Variants in CD38 observed in about 807,000 individuals in gnomAD.
CD38 encodes CD38 molecule.
CD38 carries 31 observed loss-of-function variants against 36.3 expected under a neutral mutation model. That is an observed-to-expected ratio of 0.85 (90% CI 0.64 to 1.15). The LOEUF (loss-of-function observed/expected upper bound fraction) is 1.15, where lower values mean the gene tolerates loss of function less well. Among genes scored for constraint, CD38 ranks in the 50% most tolerant of loss-of-function variants. The pLI is 0.00. For missense variants in CD38, 380 were observed against 371.9 expected (o/e 1.02, Z -0.18); for synonymous variants, 131 against 135.2 (o/e 0.97, Z 0.22).
intron 3 of CD38, among the ~76,000 whole-genome samples, chr4:15,832,241 A>G (rs74647438): frequency 0.014 from 2,073 of 152,154 alleles, 21 homozygotes; most frequent in Middle Eastern, 0.048. Context: ...TGTCTCACAT[A>G]TCTCTGTTTC....
rs74629640 is a variant in CD38, at chr4:15,834,083, G to A, written c.500-134G>A. On this transcript the variant is annotated intron_variant, in intron 3 of 7. Transcript: ENST00000226279. ...ACTTAGTTAAATTGGGTCAAAATGT[G>A]TCCATTCTCCAGCCTCCGTCTTGGC... 3.8e-3 allele frequency: 2,341 copies of A among 619,900 alleles called. 42 individuals carry two copies. The African/African-American group carries it at 0.039, about 10-fold the overall frequency. 38.4% of individuals were successfully genotyped at this position (619,900 alleles called of 1,614,324 possible).
chr4:15,784,364 G>A (rs1216149399), intron 1 of CD38, among the ~76,000 whole-genome samples: 3 of 152,208 alleles, frequency 2.0e-5, no homozygotes, highest in African/African-American at 7.2e-5. Flanking sequence ...AGGGTGCTCT[G>A]GAGAGTGTGT....
rs547305217 is a variant in CD38, at chr4:15,810,617, C to CT, written c.234-5886dup. The stretch of plus-strand genomic sequence containing the variant: ...ACATTGAAGTACATAATGTAATAAG[C>CT]TTTTTTTTCCTTAAATATATAATGT... On this transcript the variant is annotated intron_variant, in intron 1 of 7. Transcript: ENST00000226279. Among the ~76,000 whole-genome samples the CT allele has an allele frequency of 4.1e-4, 62 of 152,136 alleles. No homozygotes were observed. In the South Asian group the frequency reaches 0.011, roughly 27 times the overall value.
At chr4:15,781,478 C>CGGGCAAGCCCCAAATCTGCT (rs1722695595) in intron 1 of CD38, among the ~76,000 whole-genome samples, 1 of 152,212 alleles carries the variant, frequency 6.6e-6, no homozygotes, top group Non-Finnish European at 1.5e-5. Flanking sequence ...ATTGTGAAGT[C>CGGGCAAGCCCCAAATCTGCT]GGGCAAGCCC....
chr4:15,804,389 G>C (rs1385734440), intron 1 of CD38, among the ~76,000 whole-genome samples: 1 of 152,104 alleles, frequency 6.6e-6, no homozygotes, highest in Non-Finnish European at 1.5e-5. Flanking sequence ...GCTAAAAATA[G>C]AACTACCATA....
chr4:15,787,905 G>A (rs1026485930), intron 1 of CD38, among the ~76,000 whole-genome samples: 2 of 152,182 alleles, frequency 1.3e-5, no homozygotes, highest in African/African-American at 4.8e-5. Context: ...GAGCAGTCTC[G>A]CCAGAGGATG....
intron 3 of CD38, among the ~76,000 whole-genome samples, chr4:15,826,459 G>GCATGCACA (rs1553874529): frequency 1.8e-4 from 26 of 146,450 alleles, no homozygotes; most frequent in African/African-American, 6.3e-4. Flanking sequence ...ACTTTTGTGC[G>GCATGCACA]CACACACACA....
rs1724395796 is a variant in CD38, at chr4:15,851,967, C to T, written c.*3365C>T. On this transcript the variant is annotated 3_prime_UTR_variant, in exon 8 of 8. Transcript: ENST00000226279. ...GTTTGTGTATCTAAACATATCTAAA[C>T]ATAGAAAAGGTACAGTAAACATGCA... 6.6e-6 allele frequency: 1 copy of T among 152,082 alleles called. No homozygotes were observed. Among genetic ancestry groups the T allele is most frequent in the African/African-American group, 2.4e-5 (1 of 41,350 alleles). 9.4% of individuals were successfully genotyped at this position (152,082 alleles called of 1,614,324 possible).
chr4:15,848,541 C>G lies in CD38; in HGVS notation c.842C>G (p.Pro281Arg), dbSNP rs945265774. ...CCTTTTTTGCTTTCTTGTCATAGAC[C>G]TGACAAGTTTCTTCAGTGTGTGAAA... ...IQFSCKNIYRPDKFLQCVKNP... is the reference protein window; with the variant it reads ...IQFSCKNIYRRDKFLQCVKNP... Residue 281 changes from proline to arginine, a missense_variant and splice_region_variant, in exon 8 of 8, where the codon CCT becomes CGT. Transcript: ENST00000226279. 1 of 1,611,492 alleles carries G rather than the reference C, an allele frequency of 6.2e-7. No homozygotes were observed. Among genetic ancestry groups the G allele is most frequent in the South Asian group, 1.1e-5 (1 of 91,010 alleles).
At chr4:15,817,335 T>C (rs1723623535) in intron 2 of CD38, among the ~76,000 whole-genome samples, 1 of 152,210 alleles carries the variant, frequency 6.6e-6, no homozygotes, top group African/African-American at 2.4e-5. Context: ...AAGGCAAAAT[T>C]CCATGTGCCT....
Position 15,778,459 on chromosome 4 carries a change from C to T in CD38, c.45C>T (p.Cys15=), listed in dbSNP as rs770269640. 2 of 1,614,000 alleles carry T rather than the reference C, an allele frequency of 1.2e-6. No individual in the cohort carries two copies. The highest frequency in any genetic ancestry group is 2.2e-5 in the East Asian group (1 of 44,840). The change falls in exon 1 of 8, where the codon TGC becomes TGT. Residue 15 remains cysteine (C), a synonymous_variant. Transcript: ENST00000226279. The surrounding 1 kb of genome is among the most constrained non-coding windows in gnomAD (Gnocchi z 4.9). The part of the protein sequence containing the change: ...EFSPVSGDKP[C]CRLSRRAQLC... The stretch of plus-strand genomic sequence containing the variant: ...GCCCGGTGTCCGGGGACAAACCCTG[C>T]TGCCGGCTCTCTAGGAGAGCCCAAC...
intron 1 of CD38, among the ~76,000 whole-genome samples, chr4:15,779,099 CCCGGA>C (rs1722630657): frequency 6.6e-6 from 1 of 151,920 alleles, no homozygotes; most frequent in Non-Finnish European, 1.5e-5. Flanking sequence ...CGAAAGTGCC[CCCGGA>C]CGGTTACAGA....
chr4:15,805,545 T>C lies in CD38; in HGVS notation c.234-10966T>C, dbSNP rs182821428. ...ACTTACATATTCATTATGTTTATTGTTTATTGTCCGTCTTTGTTCCAGTAA... is the reference window on the plus strand; with the variant it reads ...ACTTACATATTCATTATGTTTATTGCTTATTGTCCGTCTTTGTTCCAGTAA... On this transcript the variant is annotated intron_variant, in intron 1 of 7. Transcript: ENST00000226279. 2.1e-3 allele frequency among the ~76,000 whole-genome samples: 317 copies of C among 152,330 alleles called. 3 individuals carry two copies. Among genetic ancestry groups the C allele is most frequent in the African/African-American group, 7.2e-3 (299 of 41,582 alleles).
At position 15,818,155 on chromosome 4, in the gene CD38, G is replaced by C. The variant is rs568382619; in HGVS notation, c.363+1515G>C. Among the ~76,000 whole-genome samples, 10 of 142,906 alleles carry C rather than the reference G, an allele frequency of 7.0e-5. 1 individual carries two copies. In the East Asian group the frequency reaches 2.3e-3, roughly 32 times the overall value. The allele number at this position is 142,906 out of a possible 152,430, so 93.8% of individuals were successfully genotyped here. A position where few individuals can be genotyped will look rare whatever the true frequency, so the allele number is the denominator to read the frequency against. ...AGTCTGAAGTTGACCTGGGATGATG[G>C]AGCTGGGTGGGGGGAGGGGCGTCCG... On this transcript the variant is annotated intron_variant, in intron 2 of 7. Transcript: ENST00000226279.
At chr4:15,793,982 C>T (rs904960993) in intron 1 of CD38, among the ~76,000 whole-genome samples, 2 of 152,196 alleles carry the variant, frequency 1.3e-5, no homozygotes, top group South Asian at 4.1e-4. Flanking sequence ...CATTCAGTAA[C>T]CCTCCCTTAT....
In CD38 at chr4:15,808,797, G is replaced by T. The variant is rs144848484; in HGVS notation, c.234-7714G>T. ...TTGCCTGGCCCTACGGTAACTATTT[G>T]GTTCCATCATGGTGGCTGAGTAGGT... is the stretch of plus-strand genomic sequence containing the variant. On this transcript the variant is annotated intron_variant, in intron 1 of 7. Transcript: ENST00000226279. Among the ~76,000 whole-genome samples, 491 of 152,300 alleles carry T rather than the reference G, an allele frequency of 3.2e-3. 6 individuals carry two copies. Among genetic ancestry groups the T allele is most frequent in the South Asian group, 0.02 (96 of 4,828 alleles).
chr4:15,834,254 C>T lies in CD38; in HGVS notation c.537C>T (p.Asp179=), dbSNP rs1724018347. 1 of 1,612,880 alleles carries T rather than the reference C, an allele frequency of 6.2e-7. No homozygotes were observed. Among genetic ancestry groups the T allele is most frequent in the African/African-American group, 1.3e-5 (1 of 74,926 alleles). The part of the protein sequence containing the change: ...NYQSCPDWRK[D]CSNNPVSVFW... ...AATCTTGCCCAGACTGGAGAAAGGACTGCAGCAACAACCCTGTTTCAGTAT... is the reference window on the plus strand; with the variant it reads ...AATCTTGCCCAGACTGGAGAAAGGATTGCAGCAACAACCCTGTTTCAGTAT... Residue 179 remains aspartate, a synonymous_variant, in exon 4 of 8, where the codon GAC becomes GAT. Coordinates refer to ENST00000226279, the MANE Select transcript of CD38 (RefSeq NM_001775.4).
chr4:15,806,794 G>A (rs1723351027), intron 1 of CD38, among the ~76,000 whole-genome samples: 1 of 152,182 alleles, frequency 6.6e-6, no homozygotes, highest in African/African-American at 2.4e-5. Context: ...CCCATCCTAT[G>A]CTGTGTTGAG....
Position 15,825,116 on chromosome 4 carries a change from C to A in CD38, c.499+100C>A. On this transcript the variant is annotated intron_variant, in intron 3 of 7. Coordinates refer to ENST00000226279, the MANE Select transcript of CD38 (RefSeq NM_001775.4). The stretch of plus-strand genomic sequence containing the variant: ...ATGATTAGTGTGGAGGACAGAGCCA[C>A]AGGCACCCATCCTGATGCCATCTAT... 3 of 1,224,286 alleles carry A rather than the reference C, an allele frequency of 2.5e-6. No homozygotes were observed. In the South Asian group the frequency reaches 4.2e-5, roughly 17 times the overall value. The allele number at this position is 1,224,286 out of a possible 1,614,324, so 75.8% of individuals were successfully genotyped here.
Sources: allele counts gnomAD v4.1 joint callset (sites outside exome capture counted in the v4.1 genomes callset), GRCh38; gene constraint gnomAD v4.1.1; non-coding constraint Gnocchi (gnomAD v3.1); transcripts MANE v1.5; gene names NCBI Gene and HGNC (gene_info 2026-07-23, HGNC 2026-07-21).